The following EXOC4 variants were observed in gnomAD, a reference collection of about 807,000 sequenced individuals.
The protein encoded by EXOC4 is SEC8-like 1.
In EXOC4, 71 loss-of-function variants were observed where a neutral mutation model predicts 107.2. That is an observed-to-expected ratio of 0.66 (90% CI 0.55 to 0.81). The LOEUF is 0.81. Ranked by LOEUF, EXOC4 falls within the 30% of genes least tolerant of loss-of-function variation. The pLI is 0.00. For missense variants in EXOC4, 1,108 were observed against 1,189.6 expected (o/e 0.93, Z 1.01); for synonymous variants, 456 against 441.2 (o/e 1.03, Z -0.42).
At chr7:133,872,953 G>A (rs533894286) in intron 11 of EXOC4, among the ~76,000 whole-genome samples, 59 of 152,256 alleles carry the variant, frequency 3.9e-4, no homozygotes, top group African/African-American at 1.1e-3. Flanking sequence ...GTTCTCCTCC[G>A]CAGTCTAGTG....
chr7:133,285,462 A>C (rs546216250), intron 2 of EXOC4, among the ~76,000 whole-genome samples: 1 of 152,186 alleles, frequency 6.6e-6, no homozygotes, highest in African/African-American at 2.4e-5. Flanking sequence ...GGAAATACTT[A>C]TCTCTTAAAA....
chr7:133,806,491 A>G (rs1303886727), intron 10 of EXOC4, among the ~76,000 whole-genome samples: 4 of 152,222 alleles, frequency 2.6e-5, no homozygotes, highest in African/African-American at 9.6e-5. Context: ...TTAGAGAAAT[A>G]ATTCAGTCTT....
the EXOC4 span, among the ~76,000 whole-genome samples, chr7:134,074,832 G>A: frequency 2.6e-4 from 39 of 152,322 alleles, no homozygotes; most frequent in Middle Eastern, 3.4e-3. Flanking sequence ...GAAGGCTCAC[G>A]GAGCATTTCT....
At chr7:133,837,271 G>A (rs1236215041) in intron 11 of EXOC4, among the ~76,000 whole-genome samples, 1 of 152,100 alleles carries the variant, frequency 6.6e-6, no homozygotes, top group Admixed American at 6.5e-5. Context: ...CTACTAACTT[G>A]TGACATGTCT....
intron 10 of EXOC4, among the ~76,000 whole-genome samples, chr7:133,664,141 A>G (rs1174925742): frequency 6.6e-6 from 1 of 152,112 alleles, no homozygotes; most frequent in Non-Finnish European, 1.5e-5. Context: ...AGTGAAGCCT[A>G]CCTAGGCCAT....
rs151051148 is a variant in EXOC4 at position 133,493,305 on chromosome 7, C to T, written c.1417+13167C>T. Among the ~76,000 whole-genome samples the T allele has an allele frequency of 6.1e-3, 922 of 152,242 alleles. 12 individuals are homozygous for T. Among genetic ancestry groups the T allele is most frequent in the African/African-American group, 0.021 (878 of 41,540 alleles). ...CTAAAAAATTAGCTGGACATGGTGGCACACGCCTCTAGTCCCAGCTACTCA... is the reference window on the plus strand; with the variant it reads ...CTAAAAAATTAGCTGGACATGGTGGTACACGCCTCTAGTCCCAGCTACTCA... On this transcript the variant is annotated intron_variant, in intron 9 of 17. Coordinates refer to ENST00000253861, the MANE Select transcript of EXOC4 (RefSeq NM_021807.4).
At chr7:133,387,219 G>A (rs933288210) in intron 7 of EXOC4, among the ~76,000 whole-genome samples, 1 of 152,172 alleles carries the variant, frequency 6.6e-6, no homozygotes, top group Non-Finnish European at 1.5e-5. Flanking sequence ...AAAGTCTTAA[G>A]GGGTTGAAGA....
In EXOC4 at chr7:133,982,917, A is replaced by G. The variant is rs554534432; in HGVS notation, c.2207-14575A>G. ...GATACAAAGATAAAAGTGAGGTTGT[A>G]CCTGCTATTGCTTAAGAGGTATGAT... is the stretch of plus-strand genomic sequence containing the variant. On this transcript the variant is annotated intron_variant, in intron 14 of 17. Transcript: ENST00000253861. 2.0e-5 allele frequency among the ~76,000 whole-genome samples: 3 copies of G among 152,350 alleles called. No homozygotes were observed. In the East Asian group the frequency reaches 5.8e-4, roughly 29 times the overall value.
intron 10 of EXOC4, among the ~76,000 whole-genome samples, chr7:133,713,992 G>A (rs912718465): frequency 2.0e-5 from 3 of 152,186 alleles, no homozygotes; most frequent in Non-Finnish European, 4.4e-5. Flanking sequence ...AGGAAGCTGA[G>A]ACATAGAAAT....
chr7:133,681,736 A>T (rs1224372801), intron 10 of EXOC4, among the ~76,000 whole-genome samples: 1 of 152,128 alleles, frequency 6.6e-6, no homozygotes, highest in East Asian at 1.9e-4. Flanking sequence ...TAGCTTGCAT[A>T]TTGTATGAAT....
At chr7:134,071,896 C>G in the EXOC4 span, among the ~76,000 whole-genome samples, 1 of 152,110 alleles carries the variant, frequency 6.6e-6, no homozygotes, top group Non-Finnish European at 1.5e-5. Flanking sequence ...TATATTTGAG[C>G]CCCAAGTGAT....
At chr7:133,651,533 C>T (rs897349828) in intron 10 of EXOC4, among the ~76,000 whole-genome samples, 3 of 152,104 alleles carry the variant, frequency 2.0e-5, no homozygotes, top group Admixed American at 6.5e-5. Context: ...ACTTATGATA[C>T]GGATAAGTGC....
At chr7:133,877,298 T>G (rs1256211815) in intron 11 of EXOC4, among the ~76,000 whole-genome samples, 2 of 152,212 alleles carry the variant, frequency 1.3e-5, no homozygotes, top group Non-Finnish European at 2.9e-5. Flanking sequence ...TCATATATTT[T>G]CCAACTTATT....
At chr7:133,982,563 A>T (rs1278887893) in intron 14 of EXOC4, among the ~76,000 whole-genome samples, 1 of 152,120 alleles carries the variant, frequency 6.6e-6, no homozygotes, top group African/African-American at 2.4e-5. Flanking sequence ...AAAACAAAAC[A>T]AAACAAAAAA....
At chr7:133,819,892 G>A (rs1339237766) in intron 11 of EXOC4, among the ~76,000 whole-genome samples, 1 of 152,132 alleles carries the variant, frequency 6.6e-6, no homozygotes, top group African/African-American at 2.4e-5. Context: ...AAGGCCATAT[G>A]CTACCAACAA....
chr7:133,868,712 A>T (rs563898091), intron 11 of EXOC4, among the ~76,000 whole-genome samples: 1 of 152,132 alleles, frequency 6.6e-6, no homozygotes, highest in Non-Finnish European at 1.5e-5. Context: ...TCTTGAGTCT[A>T]TTAGAGGAAC....
chr7:133,879,374 A>G (rs1798917273), intron 11 of EXOC4, among the ~76,000 whole-genome samples: 1 of 152,130 alleles, frequency 6.6e-6, no homozygotes, highest in Admixed American at 6.6e-5. Flanking sequence ...GATTATGGGT[A>G]TGAGCCACCA....
chr7:133,693,175 A>G (rs1366677647), intron 10 of EXOC4, among the ~76,000 whole-genome samples: 1 of 152,198 alleles, frequency 6.6e-6, no homozygotes, highest in Non-Finnish European at 1.5e-5. Context: ...AAAACCTCAA[A>G]AGTAGGGAAG....
intron 10 of EXOC4, among the ~76,000 whole-genome samples, chr7:133,805,966 T>C (rs1451142525): frequency 6.6e-6 from 1 of 152,186 alleles, no homozygotes; most frequent in Non-Finnish European, 1.5e-5. Flanking sequence ...AGTATGTGAG[T>C]GTTACAAATG....
Sources: allele counts gnomAD v4.1 joint callset (sites outside exome capture counted in the v4.1 genomes callset), GRCh38; gene constraint gnomAD v4.1.1; transcripts MANE v1.5; gene names NCBI Gene and HGNC (gene_info 2026-07-23, HGNC 2026-07-21).